The following CDC14A variants were observed in gnomAD, a reference collection of about 807,000 sequenced individuals.
CDC14A encodes the protein cell division cycle 14A.
A neutral mutation model predicts 74.4 loss-of-function variants in CDC14A; 53 were observed. That is an observed-to-expected ratio of 0.71 (90% CI 0.57 to 0.89). CDC14A has a LOEUF of 0.89. Ranked by LOEUF, CDC14A falls within the 40% of genes least tolerant of loss-of-function variation. The pLI, the probability that CDC14A is intolerant of heterozygous loss-of-function variation, is 0.00. For synonymous variants in CDC14A, 247 were observed against 258.4 expected (o/e 0.96, Z 0.43); for missense variants, 646 against 713.7 (o/e 0.91, Z 1.08).
At chr1:100,406,805 A>G (rs746843481) in intron 4 of CDC14A, among the ~76,000 whole-genome samples, 5 of 152,054 alleles carry the variant, frequency 3.3e-5, no homozygotes, top group South Asian at 2.1e-4. Flanking sequence ...GGGTGCCTGT[A>G]ATCCTAGCTT....
chr1:100,407,198 T>A (rs1557725355), intron 4 of CDC14A, among the ~76,000 whole-genome samples: 1 of 151,448 alleles, frequency 6.6e-6, no homozygotes, highest in African/African-American at 2.5e-5. Flanking sequence ...TTTGATTCCA[T>A]ATGAATTTTA....
intron 9 of CDC14A, among the ~76,000 whole-genome samples, chr1:100,463,988 G>A (rs1667563085): frequency 6.6e-6 from 1 of 152,174 alleles, no homozygotes. Context: ...GGAGGGTGCT[G>A]TTCTTTTCAT....
chr1:100,506,413 A>ATT (rs34930822), intron 15 of CDC14A, among the ~76,000 whole-genome samples: 1 of 151,660 alleles, frequency 6.6e-6, no homozygotes, highest in South Asian at 2.1e-4. Context: ...CAACATTGCG[A>ATT]TTTTTTTTCC....
chr1:100,495,034 A>T, intron 12 of CDC14A, 104 bp downstream of exon 12: 2 of 639,650 alleles, frequency 3.1e-6, no homozygotes, highest in Non-Finnish European at 2.7e-6. Flanking sequence ...ATTTTGTTCT[A>T]CAAATACTAA....
chr1:100,483,464 C>T (rs1244117268), intron 10 of CDC14A, among the ~76,000 whole-genome samples: 2 of 152,048 alleles, frequency 1.3e-5, no homozygotes, highest in East Asian at 1.9e-4. Flanking sequence ...GCAATTATTT[C>T]ACTAGATGTT....
At chr1:100,387,991 T>C (rs1657113104) in intron 3 of CDC14A, among the ~76,000 whole-genome samples, 1 of 152,218 alleles carries the variant, frequency 6.6e-6, no homozygotes, top group South Asian at 2.1e-4. Flanking sequence ...CCAATAGCAG[T>C]AGTTTGTCAT....
chr1:100,495,042 TAA>T (rs1341840667), intron 12 of CDC14A, 112 bp downstream of exon 12: 10 of 617,972 alleles, frequency 1.6e-5, no homozygotes, highest in Non-Finnish European at 2.8e-5. Context: ...CTACAAATAC[TAA>T]GTTTACTATT....
chr1:100,369,368 A>G (rs1654108875), intron 2 of CDC14A, among the ~76,000 whole-genome samples: 1 of 152,146 alleles, frequency 6.6e-6, no homozygotes, highest in South Asian at 2.1e-4. Context: ...TGGCCTCCCA[A>G]AGTGCTGGAA....
chr1:100,429,053 A>G (rs1267149786), intron 5 of CDC14A, among the ~76,000 whole-genome samples: 3 of 151,850 alleles, frequency 2.0e-5, no homozygotes, highest in African/African-American at 7.3e-5. Flanking sequence ...ATACAAAAAA[A>G]AGTAGCCAGC....
chr1:100,373,810 T>A (rs968421976), intron 2 of CDC14A, among the ~76,000 whole-genome samples: 24 of 150,344 alleles, frequency 1.6e-4, no homozygotes, highest in East Asian at 3.9e-4. Flanking sequence ...TCTTTTTTTT[T>A]ATTATTATTA....
intron 11 of CDC14A, 72 bp downstream of exon 11, chr1:100,484,523 T>A: frequency 1.4e-6 from 2 of 1,479,858 alleles, no homozygotes; most frequent in South Asian, 3.1e-5. Context: ...TGGACCTATA[T>A]AACATAGCAG....
At position 100,353,816 on chromosome 1, in the gene CDC14A, A is replaced by G; in HGVS notation, c.104A>G (p.His35Arg). 2 of 1,609,400 alleles carry G rather than the reference A, an allele frequency of 1.2e-6. No homozygotes were observed. Among genetic ancestry groups the G allele is most frequent in the Non-Finnish European group, 1.7e-6 (2 of 1,176,918 alleles). The change falls in exon 2 of 16, where the codon CAC becomes CGC. Residue 35 changes from histidine (H) to arginine (R), a missense_variant. Physicochemically the swap from His to Arg is conservative, Grantham distance 29. Transcript: ENST00000336454. ...RNRPKSTVNTHYFSIDEELVY... is the reference protein window; with the variant it reads ...RNRPKSTVNTRYFSIDEELVY... ...AGACCAAAAAGCACAGTAAATACCC[A>G]CTATTTCTCCATCGATGAGGAGCTG...
intron 3 of CDC14A, among the ~76,000 whole-genome samples, chr1:100,379,706 A>T (rs896403945): frequency 2.0e-5 from 3 of 152,206 alleles, no homozygotes; most frequent in Non-Finnish European, 2.9e-5. Flanking sequence ...TTATAAAGAA[A>T]AGAGTTTTAT....
intron 15 of CDC14A, among the ~76,000 whole-genome samples, chr1:100,509,392 A>G (rs938192804): frequency 6.6e-6 from 1 of 152,092 alleles, no homozygotes; most frequent in Non-Finnish European, 1.5e-5. Context: ...TCCTTGATTG[A>G]GGTTAGAAAA....
At chr1:100,498,268 G>C in intron 14 of CDC14A, 61 bp downstream of exon 14, 1 of 1,574,128 alleles carries the variant, frequency 6.4e-7, no homozygotes, top group Non-Finnish European at 8.6e-7. Context: ...TGCAGCAGGC[G>C]ATGAGTTTAG....
intron 7 of CDC14A, among the ~76,000 whole-genome samples, chr1:100,447,833 G>A (rs1211839321): frequency 6.6e-6 from 1 of 152,096 alleles, no homozygotes; most frequent in Non-Finnish European, 1.5e-5. Flanking sequence ...TGTTTTTTTG[G>A]GGGGTAGCTG....
upstream of CDC14A, chr1:100,351,641 G>T: frequency 2.0e-6 from 2 of 1,002,678 alleles, no homozygotes; most frequent in Admixed American, 4.5e-5. Context: ...CGCCCGCCCA[G>T]GCTGGCTCAG....
intron 4 of CDC14A, among the ~76,000 whole-genome samples, chr1:100,417,258 T>C (rs894521302): frequency 1.3e-5 from 2 of 152,220 alleles, no homozygotes; most frequent in Non-Finnish European, 2.9e-5. Flanking sequence ...TAGGCTCAGG[T>C]TGAGTCTGGT....
At chr1:100,407,848 G>T (rs369023741) in intron 4 of CDC14A, among the ~76,000 whole-genome samples, 1 of 151,938 alleles carries the variant, frequency 6.6e-6, no homozygotes, top group Non-Finnish European at 1.5e-5. Flanking sequence ...AGTTGACTTC[G>T]TAATTGTACA....
Sources: gnomAD v4.1 joint callset for allele counts (sites outside exome capture counted in the v4.1 genomes callset) on GRCh38, gnomAD v4.1.1 for gene constraint, MANE v1.5 for transcripts, NCBI Gene and HGNC (gene_info 2026-07-23, HGNC 2026-07-21) for gene names.